The following CWC25 variants were observed in gnomAD, a reference collection of about 807,000 sequenced individuals.
The protein encoded by CWC25 is pre-mRNA-splicing factor CWC25 homolog.
CWC25 carries 31 observed loss-of-function variants against 54.6 expected under a neutral mutation model. The observed-to-expected ratio is 0.57, with a 90% confidence interval of 0.43 to 0.77. CWC25 has a LOEUF of 0.77. Among genes scored for constraint, CWC25 ranks in the 30% least tolerant of loss-of-function variants. The pLI, the probability that CWC25 is intolerant of heterozygous loss-of-function variation, is 0.00. For missense variants in CWC25, 453 were observed against 529.3 expected (o/e 0.86, Z 1.41); for synonymous variants, 151 against 187.0 (o/e 0.81, Z 1.57).
intron 2 of CWC25, among the ~76,000 whole-genome samples, chr17:38,816,374 T>C (rs1052322200): frequency 2.0e-5 from 3 of 151,928 alleles, no homozygotes; most frequent in African/African-American, 4.8e-5. Context: ...GCCTCCCAAG[T>C]AGCTGGGACT....
intron 6 of CWC25, among the ~76,000 whole-genome samples, chr17:38,808,721 C>A (rs2143558680): frequency 6.6e-6 from 1 of 150,572 alleles, no homozygotes; most frequent in African/African-American, 2.4e-5. Flanking sequence ...GCAGAGGTTG[C>A]AGTGAGCTGA....
At chr17:38,820,837 T>C (rs1166937253) in intron 2 of CWC25, 64 bp downstream of exon 2, 4 of 1,531,272 alleles carry the variant, frequency 2.6e-6, no homozygotes, top group Middle Eastern at 4.0e-4. Flanking sequence ...CAACACTGGA[T>C]GATGCATCTC....
rs1567667649 is a variant in CWC25 at position 38,801,089 on chromosome 17, T to G, written c.*1003A>C. 1 of 146,672 alleles carries G rather than the reference T, an allele frequency of 6.8e-6. No individual in the cohort carries two copies. The highest frequency in any genetic ancestry group is 2.8e-5 in the African/African-American group (1 of 36,246). The allele number at this position is 146,672 out of a possible 1,614,324, so 9.1% of individuals were successfully genotyped here. ...TGTGAGCCACCGCGCCCAGCCTGTT[T>G]TTTGTTTTTTTTTTAGTACCTGACT... is the stretch of plus-strand genomic sequence containing the variant. On this transcript the variant is annotated 3_prime_UTR_variant, in exon 10 of 10. Transcript: ENST00000614790.
chr17:38,809,896 C>A (rs1387969601), intron 5 of CWC25, 131 bp from the exon 6 acceptor site: 2 of 767,466 alleles, frequency 2.6e-6, no homozygotes, highest in Non-Finnish European at 4.2e-6. Context: ...CCTGGCAGTA[C>A]GTTTCTCTAT....
At chr17:38,818,015 C>T (rs778681555) in intron 2 of CWC25, among the ~76,000 whole-genome samples, 35 of 151,692 alleles carry the variant, frequency 2.3e-4, no homozygotes, top group Admixed American at 4.6e-4. Flanking sequence ...CAGTGGCTCA[C>T]GCCTGTAATC....
chr17:38,802,104 A>G lies in CWC25; in HGVS notation c.1266T>C (p.Phe422=). The G allele has an allele frequency of 6.2e-7, 1 of 1,609,450 alleles. No individual in the cohort carries two copies. The highest frequency in any genetic ancestry group is 8.5e-7 in the Non-Finnish European group (1 of 1,176,014). ...GAGGGGACAGTTTTCATCTTTTCAT[A>G]AAGTTCTTCTCCAGAGCTACCGAAG... ...QRTSVALEKN[F]MKR The change falls in exon 10 of 10, where the codon TTT becomes TTC. Residue 422 remains phenylalanine (F), a synonymous_variant. Coordinates refer to ENST00000614790, the MANE Select transcript of CWC25 (RefSeq NM_017748.5).
At chr17:38,821,778 A>C (rs1416427146) in intron 1 of CWC25, among the ~76,000 whole-genome samples, 1 of 136,386 alleles carries the variant, frequency 7.3e-6, no homozygotes, top group African/African-American at 3.2e-5. Flanking sequence ...GTGGACATTC[A>C]TTCTTTTTTT....
At chr17:38,813,344 G>A (rs1022908928) in intron 3 of CWC25, among the ~76,000 whole-genome samples, 11 of 150,704 alleles carry the variant, frequency 7.3e-5, no homozygotes, top group African/African-American at 2.4e-4. Flanking sequence ...GTAGCAGCAC[G>A]CACCTGCAGT....
At chr17:38,809,600 A>C in intron 6 of CWC25, 102 bp downstream of exon 6, 1 of 1,068,184 alleles carries the variant, frequency 9.4e-7, no homozygotes, top group Non-Finnish European at 1.4e-6. Flanking sequence ...CCTGTTTCCC[A>C]GCAGCCCAGG....
chr17:38,806,560 A>G, intron 7 of CWC25, 165 bp from the exon 8 acceptor site: 1 of 751,050 alleles, frequency 1.3e-6, no homozygotes, highest in Non-Finnish European at 2.1e-6. Context: ...CAGAGCTCCC[A>G]AAGCACAGAA....
chr17:38,824,896 G>C (rs1027940764), intron 1 of CWC25, among the ~76,000 whole-genome samples: 2 of 151,810 alleles, frequency 1.3e-5, no homozygotes, highest in African/African-American at 2.4e-5. Flanking sequence ...CCCCCTCCCC[G>C]GTCTTCCCAG....
chr17:38,821,426 C>T (rs1911918559), intron 1 of CWC25, among the ~76,000 whole-genome samples: 1 of 152,090 alleles, frequency 6.6e-6, no homozygotes, highest in Non-Finnish European at 1.5e-5. Flanking sequence ...GGCGTGGTGG[C>T]AGGTGCGCCT....
At position 38,813,613 on chromosome 17, in the gene CWC25, G is replaced by A. The variant is rs550490439; in HGVS notation, c.429-749C>T. 5.4e-5 allele frequency among the ~76,000 whole-genome samples: 8 copies of A among 149,504 alleles called. No homozygotes were observed. In the South Asian group the frequency reaches 1.7e-3, roughly 32 times the overall value. ...GGCTGCAGTGCAGTGGCATGATCAT[G>A]GCTCACTGCAGCCTTGACCACCTGG... On this transcript the variant is annotated intron_variant, in intron 3 of 9. Coordinates refer to ENST00000614790, the MANE Select transcript of CWC25 (RefSeq NM_017748.5).
intron 2 of CWC25, among the ~76,000 whole-genome samples, chr17:38,820,058 C>A (rs1336263600): frequency 6.6e-6 from 1 of 152,166 alleles, no homozygotes; most frequent in Non-Finnish European, 1.5e-5. Context: ...CTGCCTCAGT[C>A]TCCCAAAGTG....
chr17:38,807,705 A>G (rs1332880339), intron 6 of CWC25, among the ~76,000 whole-genome samples: 1 of 134,256 alleles, frequency 7.4e-6, no homozygotes, highest in East Asian at 2.2e-4. Context: ...GCAGTGAGCC[A>G]GGATCACACC....
chr17:38,806,530 G>GT, intron 7 of CWC25, 135 bp from the exon 8 acceptor site: 1 of 849,304 alleles, frequency 1.2e-6, no homozygotes, highest in Non-Finnish European at 1.8e-6. Context: ...AAGGTATAGG[G>GT]TTTGATGTTA....
intron 2 of CWC25, 115 bp from the exon 3 acceptor site, chr17:38,815,212 T>TA (rs1911649504): frequency 3.5e-6 from 3 of 864,490 alleles, no homozygotes; most frequent in Non-Finnish European, 5.4e-6. Flanking sequence ...GAGTTCATTC[T>TA]ACTGGCACCT....
intron 8 of CWC25, among the ~76,000 whole-genome samples, chr17:38,804,253 A>G (rs1911139685): frequency 6.6e-6 from 1 of 152,046 alleles, no homozygotes; most frequent in Non-Finnish European, 1.5e-5. Flanking sequence ...GAATCCACAT[A>G]CTCACTGAAC....
At chr17:38,812,352 G>A (rs1729380952) in intron 4 of CWC25, among the ~76,000 whole-genome samples, 1 of 152,100 alleles carries the variant, frequency 6.6e-6, no homozygotes, top group African/African-American at 2.4e-5. Flanking sequence ...ACATCACATG[G>A]TGCATTCTCC....
Sources: gnomAD v4.1 joint callset for allele counts (sites outside exome capture counted in the v4.1 genomes callset) on GRCh38, gnomAD v4.1.1 for gene constraint, MANE v1.5 for transcripts, NCBI Gene and HGNC (gene_info 2026-07-23, HGNC 2026-07-21) for gene names.